ANKRD30BL: variants seen among roughly 807,000 people sequenced by gnomAD.
The protein encoded by ANKRD30BL is ankyrin repeat domain 30B like.
In ANKRD30BL, 20 loss-of-function variants were observed where a neutral mutation model predicts 18.4. That is an observed-to-expected ratio of 1.09 (90% CI 0.77 to 1.58). ANKRD30BL has a LOEUF of 1.58. Ranked by LOEUF, ANKRD30BL falls within the 40% of genes most tolerant of loss-of-function variation. The pLI is 0.00. For synonymous variants in ANKRD30BL, 72 were observed against 100.9 expected (o/e 0.71, Z 1.72); for missense variants, 224 against 268.6 (o/e 0.83, Z 1.16).
intron 1 of ANKRD30BL, among the ~76,000 whole-genome samples, chr2:132,184,727 T>C (rs1455178960): frequency 1.3e-5 from 2 of 152,164 alleles, no homozygotes; most frequent in Non-Finnish European, 2.9e-5. Context: ...ATTTTGTGAC[T>C]TGGATTTGTT....
At chr2:132,208,704 G>A (rs1479281589) in intron 1 of ANKRD30BL, among the ~76,000 whole-genome samples, 1 of 151,440 alleles carries the variant, frequency 6.6e-6, no homozygotes, top group Non-Finnish European at 1.5e-5. Flanking sequence ...CTAAAGCAAG[G>A]AGACTACATC....
chr2:132,191,820 C>T (rs1164883321), intron 1 of ANKRD30BL, among the ~76,000 whole-genome samples: 2 of 149,354 alleles, frequency 1.3e-5, no homozygotes, highest in South Asian at 2.1e-4. Context: ...CGGCTCACTG[C>T]AAGCTCTGCC....
intron 1 of ANKRD30BL, among the ~76,000 whole-genome samples, chr2:132,161,216 G>A (rs1037033828): frequency 5.3e-5 from 8 of 152,036 alleles, no homozygotes; most frequent in African/African-American, 1.7e-4. Context: ...CTCTGTGAGA[G>A]GAAGTGGGAG....
intron 1 of ANKRD30BL, among the ~76,000 whole-genome samples, chr2:132,182,367 A>G (rs1483834640): frequency 1.3e-5 from 2 of 151,826 alleles, no homozygotes; most frequent in East Asian, 3.9e-4. Flanking sequence ...CTGTAGTCCC[A>G]GCTAATCAGG....
intron 1 of ANKRD30BL, among the ~76,000 whole-genome samples, chr2:132,196,136 C>A: frequency 7.3e-6 from 1 of 136,072 alleles, no homozygotes; most frequent in African/African-American, 2.8e-5. Context: ...AGCTAGAGTC[C>A]ATCTCAAAAA....
intron 1 of ANKRD30BL, among the ~76,000 whole-genome samples, chr2:132,238,210 G>C (rs1023124691): frequency 6.6e-6 from 1 of 151,130 alleles, no homozygotes; most frequent in Non-Finnish European, 1.5e-5. Flanking sequence ...TAAACCTATC[G>C]TTTGATACAG....
rs560654044 is a variant in ANKRD30BL, at chr2:132,199,729, T to C, written n.442-42583A>G. 9.2e-5 allele frequency among the ~76,000 whole-genome samples: 14 copies of C among 152,270 alleles called. No homozygotes were observed. The South Asian group carries it at 2.9e-3, about 32-fold the overall frequency. ...GCTTAGGTTACTTGTTTATTAGTAG[T>C]AGTTTTGCATCTATGGGATTGTTGT... On this transcript the variant is annotated intron_variant and non_coding_transcript_variant, in intron 1 of 4. Coordinates refer to the ANKRD30BL transcript ENST00000470729.
At chr2:132,191,745 T>C (rs1678855243) in intron 1 of ANKRD30BL, among the ~76,000 whole-genome samples, 1 of 145,694 alleles carries the variant, frequency 6.9e-6, no homozygotes, top group South Asian at 2.1e-4. Context: ...TGATTTTTTT[T>C]TTTTTTTTTT....
At chr2:132,201,895 A>G (rs1679106452) in intron 1 of ANKRD30BL, among the ~76,000 whole-genome samples, 1 of 152,230 alleles carries the variant, frequency 6.6e-6, no homozygotes, top group African/African-American at 2.4e-5. Context: ...ACCAACCCAA[A>G]TGTCCAATAA....
chr2:132,244,176 A>G, intron 1 of ANKRD30BL, among the ~76,000 whole-genome samples: 1 of 152,414 alleles, frequency 6.6e-6, no homozygotes, highest in African/African-American at 2.4e-5. Context: ...CACTTTTGAA[A>G]CACACTTCTT....
At chr2:132,194,432 C>A (rs928865951) in intron 1 of ANKRD30BL, among the ~76,000 whole-genome samples, 2 of 152,252 alleles carry the variant, frequency 1.3e-5, no homozygotes, top group African/African-American at 4.8e-5. Context: ...CACTTCTACA[C>A]TTGTGCAGCA....
At chr2:132,180,270 C>T (rs1688439232) in intron 1 of ANKRD30BL, among the ~76,000 whole-genome samples, 1 of 150,892 alleles carries the variant, frequency 6.6e-6, no homozygotes, top group Non-Finnish European at 1.5e-5. Context: ...ATGCAAAATA[C>T]CTACCACTGT....
chr2:132,196,996 G>T, intron 1 of ANKRD30BL, among the ~76,000 whole-genome samples: 1 of 152,176 alleles, frequency 6.6e-6, no homozygotes, highest in African/African-American at 2.4e-5. Flanking sequence ...TTCAAAAGGA[G>T]TCCAAAGAGA....
chr2:132,227,759 T>C (rs1376908898), intron 1 of ANKRD30BL, among the ~76,000 whole-genome samples: 1 of 152,146 alleles, frequency 6.6e-6, no homozygotes, highest in African/African-American at 2.4e-5. Context: ...AGAATCTTCT[T>C]TGTGATGTGT....
At chr2:132,248,786 T>A (rs1680571658) in intron 1 of ANKRD30BL, among the ~76,000 whole-genome samples, 2 of 151,952 alleles carry the variant, frequency 1.3e-5, no homozygotes, top group African/African-American at 4.8e-5. Flanking sequence ...ATTGAAGATA[T>A]TTCCTTTTTC....
Position 132,201,266 on chromosome 2 carries a change from A to T in ANKRD30BL, n.442-44120T>A, listed in dbSNP as rs1347543765. 3.3e-5 allele frequency among the ~76,000 whole-genome samples: 5 copies of T among 152,340 alleles called. No homozygotes were observed. In the East Asian group the frequency reaches 9.6e-4, roughly 29 times the overall value. ...ACTTCATGTCTAAAACACCAAAAGC[A>T]ATGGCAACCAAAGCCAACATTGACA... On this transcript the variant is annotated intron_variant and non_coding_transcript_variant, in intron 1 of 4. Transcript: ENST00000470729.
At chr2:132,229,551 C>T (rs1679947876) in intron 1 of ANKRD30BL, among the ~76,000 whole-genome samples, 1 of 152,128 alleles carries the variant, frequency 6.6e-6, no homozygotes, top group Non-Finnish European at 1.5e-5. Flanking sequence ...AATTTAGAAA[C>T]TCTCTTTTTG....
At chr2:132,221,599 G>A (rs1679686384) in intron 1 of ANKRD30BL, among the ~76,000 whole-genome samples, 1 of 130,200 alleles carries the variant, frequency 7.7e-6, no homozygotes, top group Non-Finnish European at 1.6e-5. Flanking sequence ...GAGGTGGGGG[G>A]ATCAGCCCCC....
At chr2:132,246,627 C>T (rs867666596) in intron 1 of ANKRD30BL, among the ~76,000 whole-genome samples, 2 of 151,168 alleles carry the variant, frequency 1.3e-5, no homozygotes, top group East Asian at 1.9e-4. Context: ...TCACTGGAAA[C>T]GGGTATATCT....
Sources: allele counts gnomAD v4.1 joint callset (sites outside exome capture counted in the v4.1 genomes callset), GRCh38; gene constraint gnomAD v4.1.1; transcripts MANE v1.5; gene names NCBI Gene and HGNC (gene_info 2026-07-23, HGNC 2026-07-21).